MRM1: variants seen among roughly 807,000 people sequenced by gnomAD.
The protein encoded by MRM1 is rRNA methyltransferase 1, mitochondrial.
MRM1 carries 24 observed loss-of-function variants against 25.0 expected under a neutral mutation model. That is an observed-to-expected ratio of 0.96 (90% CI 0.69 to 1.35). The LOEUF is 1.35. Among genes scored for constraint, MRM1 ranks in the 40% most tolerant of loss-of-function variants. MRM1 has a pLI of 0.00. For synonymous variants in MRM1, 188 were observed against 199.2 expected (o/e 0.94, Z 0.47); for missense variants, 431 against 464.1 (o/e 0.93, Z 0.65).
At chr17:36,620,252 G>A in the MRM1 span, among the ~76,000 whole-genome samples, 1 of 114,466 alleles carries the variant, frequency 8.7e-6, no homozygotes, top group Non-Finnish European at 1.6e-5. Flanking sequence ...GATGTCATAA[G>A]AAATCATTGC....
the MRM1 span, among the ~76,000 whole-genome samples, chr17:36,624,814 C>T: frequency 5.3e-5 from 8 of 152,138 alleles, no homozygotes; most frequent in African/African-American, 9.7e-5. This position sits in a 1 kb window ranked among gnomAD's most constrained non-coding sequence, Gnocchi z 4.0. Context: ...CAGTGAGGAG[C>T]GCAGGAAACG....
the MRM1 span, among the ~76,000 whole-genome samples, chr17:36,628,547 A>C: frequency 6.6e-6 from 1 of 152,152 alleles, no homozygotes; most frequent in Admixed American, 6.5e-5. Context: ...GCAGTGTGAG[A>C]TGCAAGGTGC....
chr17:36,604,894 C>T (rs1052127930), intron 2 of MRM1, among the ~76,000 whole-genome samples: 26 of 151,584 alleles, frequency 1.7e-4, no homozygotes, highest in African/African-American at 5.6e-4. Context: ...AATCCTAGAA[C>T]TTTGGGAGGC....
the MRM1 span, among the ~76,000 whole-genome samples, chr17:36,620,468 G>T: frequency 1.3e-5 from 2 of 152,270 alleles, no homozygotes; most frequent in Admixed American, 1.3e-4. Context: ...GCAGAAACAG[G>T]ACCAGTAGGA....
downstream of MRM1, chr17:36,609,056 A>T (rs2074957853): frequency 6.6e-6 from 1 of 151,898 alleles, no homozygotes; most frequent in South Asian, 2.1e-4. Flanking sequence ...TTGCGGGGAG[A>T]CTCCTGGCTG....
At chr17:36,618,387 G>T in the MRM1 span, among the ~76,000 whole-genome samples, 1 of 152,176 alleles carries the variant, frequency 6.6e-6, no homozygotes, top group African/African-American at 2.4e-5. Flanking sequence ...GAAAAGTAGA[G>T]CAGGGGAAGG....
chr17:36,608,089 C>G, intron 4 of MRM1, 71 bp downstream of exon 4: 2 of 1,566,814 alleles, frequency 1.3e-6, no homozygotes, highest in Non-Finnish European at 1.7e-6. Context: ...CCCTCTAATC[C>G]CATTTGCTGG....
chr17:36,611,905 G>A (rs1371268798), downstream of MRM1, among the ~76,000 whole-genome samples: 7 of 152,016 alleles, frequency 4.6e-5, no homozygotes, highest in African/African-American at 1.2e-4. Flanking sequence ...AGACTTGCCC[G>A]CCTCCATCAT....
chr17:36,622,260 G>C, the MRM1 span, among the ~76,000 whole-genome samples: 2 of 152,094 alleles, frequency 1.3e-5, no homozygotes, highest in Non-Finnish European at 2.9e-5. Flanking sequence ...GTTAGATTTG[G>C]GGTTTTGGGG....
downstream of MRM1, among the ~76,000 whole-genome samples, chr17:36,613,807 C>T (rs1285335464): frequency 6.6e-6 from 1 of 151,748 alleles, no homozygotes; most frequent in African/African-American, 2.4e-5. Flanking sequence ...AAACATGTCC[C>T]CCTGCAGGAG....
chr17:36,627,470 A>G, the MRM1 span, among the ~76,000 whole-genome samples: 3 of 152,202 alleles, frequency 2.0e-5, no homozygotes, highest in African/African-American at 7.2e-5. Context: ...TCCGGTGGAA[A>G]GAGGATTCTC....
At chr17:36,604,235 TC>T (rs1255533196) in intron 2 of MRM1, among the ~76,000 whole-genome samples, 1 of 152,178 alleles carries the variant, frequency 6.6e-6, no homozygotes, top group African/African-American at 2.4e-5. Context: ...AGTCAGCTCT[TC>T]CTCTCACACT....
Position 36,608,768 on chromosome 17 carries a change from T to G in MRM1, c.*353T>G. 1.3e-5 allele frequency: 3 copies of G among 225,726 alleles called. No individual in the cohort carries two copies. The highest frequency in any genetic ancestry group is 2.6e-5 in the Non-Finnish European group (3 of 116,208). 14.0% of individuals were successfully genotyped at this position (225,726 alleles called of 1,614,324 possible). A position where few individuals can be genotyped will look rare whatever the true frequency, so the allele number is the denominator to read the frequency against. On this transcript the variant is annotated 3_prime_UTR_variant, in exon 5 of 5. Transcript: ENST00000614766. ...GGACCCGTTCCTCTTGAACCAGTCATTGCCTGTGGCAAATGTGTGTATGAG... is the reference window on the plus strand; with the variant it reads ...GGACCCGTTCCTCTTGAACCAGTCAGTGCCTGTGGCAAATGTGTGTATGAG...
chr17:36,607,668 A>C lies in MRM1; in HGVS notation c.637-2A>C. ...TAGAACATATCTTCTTCCCCCTTTC[A>C]GACCAAAGCCCAGCAGGGCTGGCTC... On this transcript the variant is annotated splice_acceptor_variant, in intron 2 of 4. Coordinates refer to ENST00000614766, the MANE Select transcript of MRM1 (RefSeq NM_024864.5). LOFTEE classifies it high-confidence loss of function. The C allele has an allele frequency of 6.2e-7, 1 of 1,609,340 alleles. No individual in the cohort carries two copies. The highest frequency in any genetic ancestry group is 1.1e-5 in the South Asian group (1 of 90,600).
At chr17:36,630,930 C>T in the MRM1 span, among the ~76,000 whole-genome samples, 1 of 152,148 alleles carries the variant, frequency 6.6e-6, no homozygotes, top group Non-Finnish European at 1.5e-5. Flanking sequence ...CCGTCCTGGG[C>T]GAGTTTCCTG....
At chr17:36,623,173 G>A in the MRM1 span, among the ~76,000 whole-genome samples, 4 of 152,330 alleles carry the variant, frequency 2.6e-5, no homozygotes, top group African/African-American at 7.2e-5. Context: ...AGCCTCTGCC[G>A]GGGAGCTGGA....
At chr17:36,625,988 C>A in the MRM1 span, among the ~76,000 whole-genome samples, 1 of 152,032 alleles carries the variant, frequency 6.6e-6, no homozygotes, top group Admixed American at 6.6e-5. Flanking sequence ...CAGCCATGCC[C>A]CCCCGCCGAC....
At chr17:36,616,977 C>T in the MRM1 span, among the ~76,000 whole-genome samples, 1 of 152,330 alleles carries the variant, frequency 6.6e-6, no homozygotes, top group African/African-American at 2.4e-5. Flanking sequence ...CCTCCTGCCT[C>T]GGCCTCCCGA....
chr17:36,619,206 G>A, the MRM1 span, among the ~76,000 whole-genome samples: 1 of 152,188 alleles, frequency 6.6e-6, no homozygotes, highest in Admixed American at 6.5e-5. Context: ...CCATATTGTG[G>A]CATGTGACAG....
Sources: gnomAD v4.1 joint callset for allele counts (sites outside exome capture counted in the v4.1 genomes callset) on GRCh38, gnomAD v4.1.1 for gene constraint, Gnocchi (gnomAD v3.1) non-coding constraint, MANE v1.5 for transcripts, NCBI Gene and HGNC (gene_info 2026-07-23, HGNC 2026-07-21) for gene names.